The following CTNNA3 variants were observed in gnomAD, a reference collection of about 807,000 sequenced individuals.
CTNNA3 encodes catenin alpha 3.
Under a neutral mutation model 95.7 loss-of-function variants are expected in CTNNA3, and 76 were observed. The observed-to-expected ratio is 0.79, with a 90% CI of 0.66 to 0.96. CTNNA3 has a LOEUF of 0.96. Among genes scored for constraint, CTNNA3 ranks in the 40% least tolerant of loss-of-function variants. The probability of loss-of-function intolerance (pLI) is 0.00; values close to 1 mark genes in which losing one functional copy is unlikely to be tolerated. For synonymous variants in CTNNA3, 431 were observed against 374.4 expected, an observed-to-expected ratio of 1.15 and a Z score of -1.74; for missense variants, 1,191 against 1,089.8, an observed-to-expected ratio of 1.09 and a Z score of -1.31.
chr10:67,370,532 T>C (rs980498339), intron 5 of CTNNA3, among the ~76,000 whole-genome samples: 3 of 152,210 alleles, frequency 2.0e-5, no homozygotes, highest in African/African-American at 7.2e-5. Context: ...AATCTTACAA[T>C]AGTATAGTTT....
chr10:67,389,007 G>A (rs1255540256), intron 5 of CTNNA3, among the ~76,000 whole-genome samples: 2 of 151,604 alleles, frequency 1.3e-5, no homozygotes, highest in African/African-American at 2.4e-5. Flanking sequence ...ATCAACTAAC[G>A]AGCAAAATAA....
chr10:66,173,133 T>C (rs1369530553), intron 13 of CTNNA3, among the ~76,000 whole-genome samples: 1 of 152,162 alleles, frequency 6.6e-6, no homozygotes, highest in African/African-American at 2.4e-5. Flanking sequence ...CATCCTAATC[T>C]ATTAGAAGGG....
At chr10:67,700,078 C>A (rs1212237335), upstream of CTNNA3, among the ~76,000 whole-genome samples, 1 of 152,244 alleles carries the variant, frequency 6.6e-6, no homozygotes, top group African/African-American at 2.4e-5. Flanking sequence ...GGGAGGGGCG[C>A]CCGCCATTGC....
intron 6 of CTNNA3, among the ~76,000 whole-genome samples, chr10:67,199,425 A>C (rs2132203783): frequency 6.6e-6 from 1 of 152,172 alleles, no homozygotes; most frequent in South Asian, 2.1e-4. Flanking sequence ...GCTGGAATGC[A>C]GTGGCGCATT....
chr10:66,241,442 T>A (rs1260154699), intron 13 of CTNNA3, among the ~76,000 whole-genome samples: 21 of 152,196 alleles, frequency 1.4e-4, no homozygotes. Flanking sequence ...GTTAAGTAAA[T>A]CTTACAAATT....
intron 5 of CTNNA3, among the ~76,000 whole-genome samples, chr10:67,333,889 T>C (rs528639383): frequency 6.6e-6 from 1 of 152,226 alleles, no homozygotes; most frequent in Middle Eastern, 3.4e-3. Flanking sequence ...TTAAGAAGGA[T>C]TATGAGGCTG....
intron 15 of CTNNA3, among the ~76,000 whole-genome samples, chr10:66,067,733 T>A (rs1406334336): frequency 6.6e-6 from 1 of 151,952 alleles, no homozygotes; most frequent in East Asian, 1.9e-4. Context: ...CACACCAATA[T>A]GGTGAAACTC....
At chr10:66,111,737 A>T (rs549003247) in intron 13 of CTNNA3, among the ~76,000 whole-genome samples, 1 of 152,288 alleles carries the variant, frequency 6.6e-6, no homozygotes, top group South Asian at 2.1e-4. Flanking sequence ...GAACGAGTGT[A>T]AAGCACCTGA....
chr10:67,557,355 T>G (rs1841296056), intron 3 of CTNNA3, among the ~76,000 whole-genome samples: 1 of 152,210 alleles, frequency 6.6e-6, no homozygotes, highest in Admixed American at 6.5e-5. Context: ...AAAGGATAGA[T>G]GAATCTGATG....
rs187064499 is a variant in CTNNA3 at position 66,431,623 on chromosome 10, A to C, written c.1532-52271T>G. Among the ~76,000 whole-genome samples, 1,048 of 151,932 alleles carry C rather than the reference A, an allele frequency of 6.9e-3. 11 individuals are homozygous for C. The highest frequency in any genetic ancestry group is 0.024 in the African/African-American group (998 of 41,482). ...GACGTGGATGAAGCTGGAAACCATC[A>C]TTCTCAGCAAACTGTCGCAAGGACA... is the stretch of plus-strand genomic sequence containing the variant. On this transcript the variant is annotated intron_variant, in intron 11 of 17. Coordinates refer to ENST00000433211, the MANE Select transcript of CTNNA3 (RefSeq NM_013266.4).
intron 6 of CTNNA3, among the ~76,000 whole-genome samples, chr10:67,218,200 T>C (rs769727891): frequency 1.3e-4 from 20 of 152,158 alleles, no homozygotes; most frequent in Non-Finnish European, 2.6e-4. Context: ...CTCTAACAAA[T>C]TTCAATGTAT....
At chr10:67,402,962 G>A (rs1253346745) in intron 5 of CTNNA3, among the ~76,000 whole-genome samples, 5 of 152,170 alleles carry the variant, frequency 3.3e-5, no homozygotes, top group Non-Finnish European at 7.4e-5. Flanking sequence ...CATTTCCAAG[G>A]CACCTCACAA....
intron 6 of CTNNA3, among the ~76,000 whole-genome samples, chr10:67,218,591 T>C (rs1864499121): frequency 6.6e-6 from 1 of 152,224 alleles, no homozygotes; most frequent in South Asian, 2.1e-4. Flanking sequence ...AACTCCATTC[T>C]GTGTGTGATT....
intron 9 of CTNNA3, among the ~76,000 whole-genome samples, chr10:66,633,406 T>C (rs191977236): frequency 0.024 from 3,655 of 152,172 alleles, 53 homozygotes; most frequent in African/African-American, 0.027. Context: ...CATGACCAGG[T>C]GCAGTGGCTC....
intron 12 of CTNNA3, among the ~76,000 whole-genome samples, chr10:66,284,411 C>T (rs759696956): frequency 6.6e-6 from 1 of 151,848 alleles, no homozygotes; most frequent in African/African-American, 2.4e-5. Context: ...GCTCTCTGAA[C>T]CCTAAATCTG....
At chr10:66,971,910 T>A (rs1006387687) in intron 7 of CTNNA3, among the ~76,000 whole-genome samples, 5 of 152,076 alleles carry the variant, frequency 3.3e-5, no homozygotes, top group Non-Finnish European at 7.4e-5. Flanking sequence ...CTTTTTTTTT[T>A]AAACATGCTA....
intron 9 of CTNNA3, among the ~76,000 whole-genome samples, chr10:66,741,998 G>A (rs541597501): frequency 6.6e-6 from 1 of 152,222 alleles, no homozygotes; most frequent in East Asian, 1.9e-4. Flanking sequence ...TGAAATCTGG[G>A]CACCTTGAAA....
rs377698734 is a variant in CTNNA3, at chr10:66,750,419, C to T, written c.1281+15845G>A. Among the ~76,000 whole-genome samples, 39 of 152,288 alleles carry T rather than the reference C, an allele frequency of 2.6e-4. No homozygotes were observed. In the East Asian group the frequency reaches 4.2e-3, roughly 17 times the overall value. ...AGGGTGCTGGGGATGTGTAAAGATT[C>T]ATTTTTCCACATTTGGATGTCCAGT... On this transcript the variant is annotated intron_variant, in intron 9 of 17. Transcript: ENST00000433211.
intron 2 of CTNNA3, among the ~76,000 whole-genome samples, chr10:67,614,352 ATAT>A (rs890525455): frequency 2.6e-5 from 4 of 152,196 alleles, no homozygotes; most frequent in Admixed American, 2.6e-4. Context: ...TGTGTACTTT[ATAT>A]TATTATTACA....
Sources: allele counts gnomAD v4.1 joint callset (sites outside exome capture counted in the v4.1 genomes callset), GRCh38; gene constraint gnomAD v4.1.1; transcripts MANE v1.5; gene names NCBI Gene and HGNC (gene_info 2026-07-23, HGNC 2026-07-21).